The following GUCY1A2 variants were observed in gnomAD, a reference collection of about 807,000 sequenced individuals.
GUCY1A2 encodes guanylate cyclase 1 soluble subunit alpha 2, also known as guanylate cyclase soluble subunit alpha-2.
GUCY1A2 carries 27 observed loss-of-function variants against 63.5 expected under a neutral mutation model. The observed-to-expected ratio is 0.43, with a 90% confidence interval of 0.31 to 0.59. The LOEUF (loss-of-function observed/expected upper bound fraction) is 0.59. Ranked by LOEUF, GUCY1A2 falls within the 20% of genes least tolerant of loss-of-function variation. The probability of loss-of-function intolerance (pLI) is 0.11; values close to 1 mark genes in which losing one functional copy is unlikely to be tolerated. For missense variants in GUCY1A2, 768 were observed against 913.3 expected (o/e 0.84, Z 2.05); for synonymous variants, 364 against 343.5 (o/e 1.06, Z -0.66).
chr11:106,794,013 T>A (rs966789643), intron 5 of GUCY1A2, among the ~76,000 whole-genome samples: 2 of 152,116 alleles, frequency 1.3e-5, no homozygotes, highest in African/African-American at 2.4e-5. Context: ...CCAAAGGAAA[T>A]GAAATCAGGA....
chr11:106,822,343 A>G (rs1399804809), intron 4 of GUCY1A2, among the ~76,000 whole-genome samples: 3 of 151,996 alleles, frequency 2.0e-5, no homozygotes, highest in Non-Finnish European at 2.9e-5. Context: ...TTCCACTATT[A>G]TTGTTTATTT....
intron 1 of GUCY1A2, among the ~76,000 whole-genome samples, chr11:107,014,247 C>T (rs774237246): frequency 1.3e-5 from 2 of 151,946 alleles, no homozygotes; most frequent in Non-Finnish European, 2.9e-5. Context: ...CGCCACCATG[C>T]CCAGCTAATT....
At chr11:106,769,796 A>G (rs190937324) in intron 6 of GUCY1A2, among the ~76,000 whole-genome samples, 2 of 152,162 alleles carry the variant, frequency 1.3e-5, no homozygotes, top group African/African-American at 4.8e-5. Context: ...TGGGATCAGT[A>G]TCTTAACAGT....
chr11:106,758,946 A>T (rs556987780), intron 6 of GUCY1A2, among the ~76,000 whole-genome samples: 2 of 152,120 alleles, frequency 1.3e-5, no homozygotes, highest in Non-Finnish European at 2.9e-5. Context: ...AAGAATGTCA[A>T]ATTTATTCAT....
intron 6 of GUCY1A2, among the ~76,000 whole-genome samples, chr11:106,771,841 G>T (rs1462521655): frequency 6.6e-6 from 1 of 152,182 alleles, no homozygotes; most frequent in East Asian, 1.9e-4. Flanking sequence ...TTTTCAGCCA[G>T]CAGAAGAAAT....
At chr11:106,811,137 T>C (rs1005424463) in intron 4 of GUCY1A2, among the ~76,000 whole-genome samples, 1 of 152,036 alleles carries the variant, frequency 6.6e-6, no homozygotes, top group Non-Finnish European at 1.5e-5. Flanking sequence ...ATAATTATAA[T>C]ACTAAAGGAA....
chr11:106,817,970 G>A (rs989770280), intron 4 of GUCY1A2, among the ~76,000 whole-genome samples: 1 of 152,022 alleles, frequency 6.6e-6, no homozygotes, highest in Non-Finnish European at 1.5e-5. Flanking sequence ...ATTACTATAT[G>A]ATCCAGCAAT....
intron 5 of GUCY1A2, among the ~76,000 whole-genome samples, chr11:106,806,779 A>T (rs888958162): frequency 6.6e-6 from 1 of 152,166 alleles, no homozygotes. Flanking sequence ...TCAGTGCTTG[A>T]TATATGCACA....
chr11:106,747,074 A>G (rs949401795), intron 6 of GUCY1A2, among the ~76,000 whole-genome samples: 1 of 151,714 alleles, frequency 6.6e-6, no homozygotes, highest in Non-Finnish European at 1.5e-5. Flanking sequence ...TGCAAGCTCC[A>G]CCTCCCGGGT....
At chr11:106,695,816 C>T (rs1862708350) in intron 7 of GUCY1A2, among the ~76,000 whole-genome samples, 2 of 152,128 alleles carry the variant, frequency 1.3e-5, no homozygotes, top group Admixed American at 6.5e-5. Flanking sequence ...AATGTTTATG[C>T]GTTTTAAGGT....
chr11:106,738,775 T>C (rs1863635871), intron 6 of GUCY1A2, among the ~76,000 whole-genome samples: 1 of 152,214 alleles, frequency 6.6e-6, no homozygotes, highest in Admixed American at 6.5e-5. Context: ...ACCAGTACCA[T>C]GCTGTTTTGG....
chr11:106,678,438 G>A lies in GUCY1A2; in HGVS notation c.*9111C>T, dbSNP rs1359428639. ...GCCAAAAAAGGAGACAGCCTTTCAAGTGGTTAGATACATAAATATTGATCC... is the reference window on the plus strand; with the variant it reads ...GCCAAAAAAGGAGACAGCCTTTCAAATGGTTAGATACATAAATATTGATCC... On this transcript the variant is annotated 3_prime_UTR_variant, in exon 8 of 8. Coordinates refer to ENST00000526355, the MANE Select transcript of GUCY1A2 (RefSeq NM_000855.3). 1 of 212,418 alleles carries A rather than the reference G, an allele frequency of 4.7e-6. No individual in the cohort carries two copies. Among genetic ancestry groups the A allele is most frequent in the Non-Finnish European group, 9.5e-6 (1 of 104,914 alleles). The allele number at this position is 212,418 out of a possible 1,614,324, so 13.2% of individuals were successfully genotyped here. A position where few individuals can be genotyped will look rare whatever the true frequency, so the allele number is the denominator to read the frequency against.
intron 7 of GUCY1A2, among the ~76,000 whole-genome samples, chr11:106,705,129 A>T (rs1468987575): frequency 6.6e-6 from 1 of 152,098 alleles, no homozygotes; most frequent in African/African-American, 2.4e-5. Context: ...AAACTTTGTG[A>T]TAATTAAAAA....
chr11:106,886,136 T>C (rs1476318804), intron 4 of GUCY1A2, among the ~76,000 whole-genome samples: 3 of 152,150 alleles, frequency 2.0e-5, no homozygotes, highest in Non-Finnish European at 4.4e-5. Flanking sequence ...CCAGAAAGGA[T>C]AATATTTTAT....
intron 4 of GUCY1A2, among the ~76,000 whole-genome samples, chr11:106,815,912 G>A (rs1322655793): frequency 1.3e-5 from 2 of 151,892 alleles, no homozygotes; most frequent in African/African-American, 4.8e-5. Context: ...GCTAGAAGAA[G>A]CAAGAAATGG....
intron 4 of GUCY1A2, among the ~76,000 whole-genome samples, chr11:106,859,649 C>T (rs1289434094): frequency 6.6e-6 from 1 of 151,982 alleles, no homozygotes; most frequent in Non-Finnish European, 1.5e-5. Context: ...GGTAAAAGTG[C>T]AGTCATACAT....
At chr11:106,826,932 C>T in intron 4 of GUCY1A2, 1 of 1,609,836 alleles carries the variant, frequency 6.2e-7, no homozygotes, top group Admixed American at 1.7e-5. Context: ...GTTCTATATT[C>T]GGTGTAACTC....
chr11:106,999,050 G>T (rs1367408849), intron 1 of GUCY1A2, among the ~76,000 whole-genome samples: 2 of 152,140 alleles, frequency 1.3e-5, no homozygotes, highest in Non-Finnish European at 2.9e-5. Flanking sequence ...GATTTTAGGA[G>T]CACCAGGAGA....
intron 4 of GUCY1A2, among the ~76,000 whole-genome samples, chr11:106,924,027 C>G (rs1372048179): frequency 2.0e-5 from 3 of 152,052 alleles, no homozygotes; most frequent in African/African-American, 7.2e-5. Context: ...ATAAAGCAAT[C>G]AAGATGATAT....
Sources: gnomAD v4.1 joint callset for allele counts (sites outside exome capture counted in the v4.1 genomes callset) on GRCh38, gnomAD v4.1.1 for gene constraint, MANE v1.5 for transcripts, NCBI Gene and HGNC (gene_info 2026-07-23, HGNC 2026-07-21) for gene names.